The following CCNG2 variants were observed in gnomAD, a reference collection of about 807,000 sequenced individuals.
CCNG2 encodes the protein cyclin G2, also known as cyclin-G2.
CCNG2 carries 20 observed loss-of-function variants against 36.5 expected under a neutral mutation model. The observed-to-expected ratio is 0.55, with a 90% confidence interval of 0.39 to 0.80. CCNG2 has a LOEUF of 0.80. Ranked by LOEUF, CCNG2 falls within the 30% of genes least tolerant of loss-of-function variation. The probability of loss-of-function intolerance (pLI) is 0.00; values close to 1 mark genes in which losing one functional copy is unlikely to be tolerated. For missense variants in CCNG2, 358 were observed against 390.8 expected (o/e 0.92, Z 0.71); for synonymous variants, 155 against 140.1 (o/e 1.11, Z -0.75).
rs537656941 is a variant in CCNG2, at chr4:77,169,224, A to G, written c.*3300A>G. 2 of 152,244 alleles carry G rather than the reference A, an allele frequency of 1.3e-5. No homozygotes were observed. The highest frequency in any genetic ancestry group is 3.4e-3 in the Middle Eastern group (1 of 296). The allele number at this position is 152,244 out of a possible 1,614,324, so 9.4% of individuals were successfully genotyped here. A position where few individuals can be genotyped will look rare whatever the true frequency, so the allele number is the denominator to read the frequency against. On this transcript the variant is annotated 3_prime_UTR_variant, in exon 8 of 8. Coordinates refer to ENST00000316355, the MANE Select transcript of CCNG2 (RefSeq NM_004354.3). Reference sequence around the variant, plus strand: ...TTTTATTTCAACACTAGGTTTCAATATGGTGTTCCTGCTACCTCCCACCTC... The same window carrying G: ...TTTTATTTCAACACTAGGTTTCAATGTGGTGTTCCTGCTACCTCCCACCTC...
At chr4:77,162,355 G>C (rs1731462346) in intron 6 of CCNG2, among the ~76,000 whole-genome samples, 1 of 148,072 alleles carries the variant, frequency 6.8e-6, no homozygotes. Flanking sequence ...AGGTAATAGT[G>C]AATATAGAGA....
intron 6 of CCNG2, among the ~76,000 whole-genome samples, chr4:77,162,739 C>G (rs1731516894): frequency 6.6e-6 from 1 of 152,014 alleles, no homozygotes; most frequent in Admixed American, 6.6e-5. Flanking sequence ...AACACTATGA[C>G]TGGGAGCCTG....
At chr4:77,159,759 T>A (rs1731377194) in intron 3 of CCNG2, among the ~76,000 whole-genome samples, 1 of 152,264 alleles carries the variant, frequency 6.6e-6, no homozygotes, top group African/African-American at 2.4e-5. Context: ...GAGAGACTAC[T>A]ATTTTTTAGG....
At chr4:77,160,531 T>TTGG (rs1451880647) in intron 3 of CCNG2, among the ~76,000 whole-genome samples, 190 bp from the exon 4 acceptor site, 15 of 107,388 alleles carry the variant, frequency 1.4e-4, no homozygotes, top group African/African-American at 4.3e-4. Context: ...CCTTTTTTTT[T>TTGG]GGGGGGGGGG....
intron 3 of CCNG2, 84 bp from the exon 4 acceptor site, chr4:77,160,637 G>T: frequency 1.5e-6 from 2 of 1,341,066 alleles, no homozygotes; most frequent in East Asian, 4.6e-5. Flanking sequence ...TCTGTCTTAA[G>T]AATAGGAGCA....
intron 4 of CCNG2, 126 bp downstream of exon 4, chr4:77,161,097 A>ATATTTTTT: frequency 4.2e-6 from 2 of 475,134 alleles, no homozygotes; most frequent in Non-Finnish European, 3.3e-6. Context: ...TTATTGGTAA[A>ATATTTTTT]TCTTTTTTTT....
At chr4:77,158,729 C>A in intron 2 of CCNG2, 59 bp downstream of exon 2, 1 of 1,580,296 alleles carries the variant, frequency 6.3e-7, no homozygotes, top group African/African-American at 1.4e-5. Flanking sequence ...AGGAGGTAAC[C>A]CCCCCGCCCC....
In CCNG2 at chr4:77,167,974, T is replaced by G. The variant is rs1731671725; in HGVS notation, c.*2050T>G. On this transcript the variant is annotated 3_prime_UTR_variant, in exon 8 of 8. Transcript: ENST00000316355. ...TTTAGCTCCTGCAGGATTGTATTGC[T>G]TTTCTTACTGGATATTTTTCCTGGG... is the stretch of plus-strand genomic sequence containing the variant. The G allele has an allele frequency of 6.6e-6, 1 of 152,252 alleles. No homozygotes were observed. Among genetic ancestry groups the G allele is most frequent in the Non-Finnish European group, 1.5e-5 (1 of 68,054 alleles). 9.4% of individuals were successfully genotyped at this position (152,252 alleles called of 1,614,324 possible). A position where few individuals can be genotyped will look rare whatever the true frequency, so the allele number is the denominator to read the frequency against.
At chr4:77,163,112 C>T (rs1731531338) in intron 6 of CCNG2, among the ~76,000 whole-genome samples, 1 of 152,010 alleles carries the variant, frequency 6.6e-6, no homozygotes, top group African/African-American at 2.4e-5. Context: ...AGAAGATAAA[C>T]TATAGTTAGA....
intron 7 of CCNG2, among the ~76,000 whole-genome samples, chr4:77,165,204 G>GAT (rs1238123326): frequency 6.6e-6 from 1 of 152,162 alleles, no homozygotes; most frequent in East Asian, 1.9e-4. Context: ...AGTTTACTTT[G>GAT]ATATTTGACA....
At chr4:77,158,128 C>G (rs374789484) in intron 1 of CCNG2, among the ~76,000 whole-genome samples, 6 of 152,196 alleles carry the variant, frequency 3.9e-5, no homozygotes, top group Non-Finnish European at 7.4e-5. Context: ...TCCCCTCCCC[C>G]CTATTGTGCA....
intron 2 of CCNG2, among the ~76,000 whole-genome samples, chr4:77,159,121 T>C (rs1731355042): frequency 6.6e-6 from 1 of 152,368 alleles, no homozygotes; most frequent in South Asian, 2.1e-4. Context: ...CAGTTCACCT[T>C]ATATTGAATT....
rs1323706052 is a variant in CCNG2, at chr4:77,157,223, A to T, written c.-284A>T. The T allele has an allele frequency of 6.6e-6, 1 of 150,880 alleles. No individual in the cohort carries two copies. The highest frequency in any genetic ancestry group is 2.5e-5 in the African/African-American group (1 of 40,810). 9.3% of individuals were successfully genotyped at this position (150,880 alleles called of 1,614,324 possible). On this transcript the variant is annotated 5_prime_UTR_variant, in exon 1 of 8. In the 5' UTR this introduces an upstream ATG that the reference lacks. Transcript: ENST00000316355. ...GGCGTCGAAACTCTTAACAAAAACA[A>T]GGGGCTCGGGGAGGTTTCCGCTGAG...
intron 6 of CCNG2, among the ~76,000 whole-genome samples, chr4:77,163,672 G>GA (rs1192890453): frequency 2.0e-5 from 3 of 152,138 alleles, no homozygotes; most frequent in South Asian, 4.1e-4. Flanking sequence ...AAGGAGGAGG[G>GA]AAAAAAATAC....
At chr4:77,162,534 C>T (rs1397570606) in intron 6 of CCNG2, among the ~76,000 whole-genome samples, 1 of 152,044 alleles carries the variant, frequency 6.6e-6, no homozygotes, top group Non-Finnish European at 1.5e-5. Context: ...AGGTGCTCAC[C>T]ACCATGCCAG....
intron 2 of CCNG2, 54 bp from the exon 3 acceptor site, chr4:77,159,311 GTT>G: frequency 6.5e-7 from 1 of 1,541,268 alleles, no homozygotes; most frequent in Non-Finnish European, 8.8e-7. Flanking sequence ...ACCTGTATGT[GTT>G]TTTCATCTGG....
chr4:77,167,848 C>T lies in CCNG2; in HGVS notation c.*1924C>T, dbSNP rs962537417. On this transcript the variant is annotated 3_prime_UTR_variant, in exon 8 of 8. Transcript: ENST00000316355. ...CTTGAGGATGACCTTTCCTCTCTTA[C>T]TAAATAATATTAGTAAATAGTGGGC... 8 of 152,200 alleles carry T rather than the reference C, an allele frequency of 5.3e-5. No homozygotes were observed. Among genetic ancestry groups the T allele is most frequent in the Non-Finnish European group, 1.2e-4 (8 of 68,048 alleles). 9.4% of individuals were successfully genotyped at this position (152,200 alleles called of 1,614,324 possible). A position where few individuals can be genotyped will look rare whatever the true frequency, so the allele number is the denominator to read the frequency against.
At chr4:77,164,241 T>G (rs533572928) in intron 6 of CCNG2, 33 bp from the exon 7 acceptor site, 1 of 1,540,328 alleles carries the variant, frequency 6.5e-7, no homozygotes, top group Non-Finnish European at 9.0e-7. Context: ...TTGGGAGACA[T>G]TGCCGTAACC....
chr4:77,160,675 A>C (rs370167613), intron 3 of CCNG2, 46 bp from the exon 4 acceptor site: 24 of 1,586,166 alleles, frequency 1.5e-5, no homozygotes, highest in Non-Finnish European at 2.1e-5. Context: ...GTATCTGCTA[A>C]GTCAAAGTGA....
Sources: allele counts gnomAD v4.1 joint callset (sites outside exome capture counted in the v4.1 genomes callset), GRCh38; gene constraint gnomAD v4.1.1; transcripts MANE v1.5; gene names NCBI Gene and HGNC (gene_info 2026-07-23, HGNC 2026-07-21).